ARHGAP33: variants seen among roughly 807,000 people sequenced by gnomAD.
ARHGAP33 encodes the protein rho GTPase-activating protein 33.
Under a neutral mutation model 126.2 loss-of-function variants are expected in ARHGAP33, and 57 were observed. The observed-to-expected ratio is 0.45, with a 90% CI of 0.36 to 0.56. ARHGAP33 has a LOEUF of 0.56. ARHGAP33 is among the 20% of genes least tolerant of loss of function. The pLI is 0.00. For synonymous variants in ARHGAP33, 711 were observed against 755.0 expected (o/e 0.94, Z 0.95); for missense variants, 1,500 against 1,748.3 (o/e 0.86, Z 2.53).
Position 35,780,821 on chromosome 19 carries a change from T to A in ARHGAP33, c.829+5T>A, listed in dbSNP as rs780247702. Reference sequence around the variant, plus strand: ...GTATCTCGTCTCTGACCTCAGGTAATAGAAATAGGCGGTCAGGTCCCAGCC... The same window carrying A: ...GTATCTCGTCTCTGACCTCAGGTAAAAGAAATAGGCGGTCAGGTCCCAGCC... On this transcript the variant is annotated splice_donor_5th_base_variant and intron_variant, in intron 10 of 20. Transcript: ENST00000007510. 7 of 1,613,742 alleles carry A rather than the reference T, an allele frequency of 4.3e-6. No homozygotes were observed. Among genetic ancestry groups the A allele is most frequent in the Non-Finnish European group, 5.9e-6 (7 of 1,179,968 alleles).
At chr19:35,783,315 G>C (rs930091358) in intron 15 of ARHGAP33, among the ~76,000 whole-genome samples, 4 of 152,316 alleles carry the variant, frequency 2.6e-5, no homozygotes, top group Admixed American at 6.5e-5. Context: ...TGGGGGCACA[G>C]ATACATAAAC....
chr19:35,786,272 A>C lies in ARHGAP33; in HGVS notation c.1943-141A>C, dbSNP rs1291823381. 1.7e-5 allele frequency: 25 copies of C among 1,430,490 alleles called. No individual in the cohort carries two copies. The East Asian group carries it at 2.3e-4, about 13-fold the overall frequency. The allele number at this position is 1,430,490 out of a possible 1,614,324, so 88.6% of individuals were successfully genotyped here. ...CGGAAGTGTCCTCTTCATGGTCTCC[A>C]CTGTCAATCTGAACAGCTCTTCCTG... On this transcript the variant is annotated intron_variant, in intron 19 of 20. Transcript: ENST00000007510. This position sits in a 1 kb window ranked among gnomAD's most constrained non-coding sequence, Gnocchi z 7.0.
Position 35,782,962 on chromosome 19 carries a change from A to C in ARHGAP33, c.1421+93A>C. 8.9e-7 allele frequency: 1 copy of C among 1,127,334 alleles called. No individual in the cohort carries two copies. The highest frequency in any genetic ancestry group is 1.3e-6 in the Non-Finnish European group (1 of 783,092). 69.8% of individuals were successfully genotyped at this position (1,127,334 alleles called of 1,614,324 possible). ...CTTTTCTTTTGTTTATTCATCGAAT[A>C]CGTGTCTATCAAATACCTCCCATGG... On this transcript the variant is annotated intron_variant, in intron 15 of 20. Coordinates refer to ENST00000007510, the MANE Select transcript of ARHGAP33 (RefSeq NM_001366178.1). The surrounding 1 kb of genome is among the most constrained non-coding windows in gnomAD (Gnocchi z 4.1).
chr19:35,787,816 A>G lies in ARHGAP33; in HGVS notation c.3251A>G (p.Asn1084Ser). ...CCTGCACCACTCGACAGGGGAGAGA[A>G]CCTGTACTATGAGATCGGGGCAAGT... The part of the protein sequence containing the change: ...GPPAPLDRGE[N>S]LYYEIGASEG... The change falls in exon 21 of 21, where the codon AAC (asparagine) becomes AGC (serine). Residue 1084 changes from asparagine to serine, a missense_variant. Asn to Ser is a conservative substitution (Grantham distance 46, BLOSUM62 1). Around this residue, in one of 6 missense-constraint regions of ARHGAP33, gnomAD observed 642 missense variants for 634.0 expected, o/e 1.01. Coordinates refer to ENST00000007510, the MANE Select transcript of ARHGAP33 (RefSeq NM_001366178.1). 1 of 1,604,712 alleles carries G rather than the reference A, an allele frequency of 6.2e-7. No individual in the cohort carries two copies. Among genetic ancestry groups the G allele is most frequent in the East Asian group, 2.2e-5 (1 of 44,830 alleles).
chr19:35,785,169 G>C lies in ARHGAP33; in HGVS notation c.1722-20G>C. 31 of 1,577,610 alleles carry C rather than the reference G, an allele frequency of 2.0e-5. No homozygotes were observed. The highest frequency in any genetic ancestry group is 2.7e-5 in the Non-Finnish European group (31 of 1,157,270). ...GGCCTGGTTCCTCAGACGGCCTCCT[G>C]TTTCTCCCCCAAACCGCAGGAGGAA... On this transcript the variant is annotated intron_variant, in intron 17 of 20. Coordinates refer to ENST00000007510, the MANE Select transcript of ARHGAP33 (RefSeq NM_001366178.1).
rs1467820091 is a variant in ARHGAP33, at chr19:35,786,623, T to C, written c.2153T>C (p.Leu718Pro). 1 of 1,535,698 alleles carries C rather than the reference T, an allele frequency of 6.5e-7. No homozygotes were observed. Among genetic ancestry groups the C allele is most frequent in the African/African-American group, 1.4e-5 (1 of 72,964 alleles). ...CCCTCACACCGTACCTCAGCCTGGC[T>C]AGATGATGGTGATGAGCTGGACTTC... ...GSPSHRTSAW[L>P]DDGDELDFSP... The change falls in exon 20 of 21, where the codon CTA (leucine) becomes CCA (proline). Residue 718 changes from leucine to proline, a missense_variant. By Grantham distance (98) the Leu-to-Pro change is moderately conservative. This residue lies in a region of ARHGAP33 where 300 missense variants were observed against 291.1 expected (regional missense o/e 1.03). Coordinates refer to ENST00000007510, the MANE Select transcript of ARHGAP33 (RefSeq NM_001366178.1). This position sits in a 1 kb window ranked among gnomAD's most constrained non-coding sequence, Gnocchi z 7.0.
Position 35,782,527 on chromosome 19 carries a change from G to A in ARHGAP33, c.1230+10G>A. On this transcript the variant is annotated intron_variant, in intron 13 of 20. Transcript: ENST00000007510. This position sits in a 1 kb window ranked among gnomAD's most constrained non-coding sequence, Gnocchi z 4.1. ...CTATGGGAAGTTCAGTGTGAGTAAG[G>A]GAGCTGGCGGGACGGAGGGGGCCGG... is the stretch of plus-strand genomic sequence containing the variant. 2 of 1,613,346 alleles carry A rather than the reference G, an allele frequency of 1.2e-6. No individual in the cohort carries two copies. Among genetic ancestry groups the A allele is most frequent in the Non-Finnish European group, 8.5e-7 (1 of 1,179,460 alleles).
chr19:35,785,947 G>T (rs1032676378), intron 19 of ARHGAP33: 4 of 1,067,772 alleles, frequency 3.7e-6, no homozygotes, highest in Non-Finnish European at 4.5e-6. Context: ...AAAGGGCGTT[G>T]TAAGAAAGGG....
chr19:35,780,527 G>A, intron 8 of ARHGAP33, 29 bp downstream of exon 8: 1 of 1,612,042 alleles, frequency 6.2e-7, no homozygotes, highest in East Asian at 2.2e-5. Flanking sequence ...GGACAGGTGG[G>A]GCTGGGGTAC....
In ARHGAP33 at chr19:35,780,966, C is replaced by A; in HGVS notation, c.876C>A (p.Phe292Leu). The A allele has an allele frequency of 1.2e-6, 2 of 1,610,336 alleles. No individual in the cohort carries two copies. Among genetic ancestry groups the A allele is most frequent in the Non-Finnish European group, 8.5e-7 (1 of 1,179,920 alleles). The change falls in exon 11 of 21, where the codon TTC becomes TTA. Residue 292 changes from phenylalanine to leucine, a missense_variant. Around this residue, in one of 6 missense-constraint regions of ARHGAP33, gnomAD observed 281 missense variants for 413.7 expected, o/e 0.68. Coordinates refer to ENST00000007510, the MANE Select transcript of ARHGAP33 (RefSeq NM_001366178.1). ...RGKLAGLLRT[F>L]MRSRPSRQRL... Reference sequence around the variant, plus strand: ...AGCTGGCCGGCCTGCTCCGCACCTTCATGCGCTCCCGCCCTTCTCGGCAGC... The same window carrying A: ...AGCTGGCCGGCCTGCTCCGCACCTTAATGCGCTCCCGCCCTTCTCGGCAGC...
Position 35,787,896 on chromosome 19 carries a change from C to T in ARHGAP33, c.3331C>T (p.Pro1111Ser), listed in dbSNP as rs866734274. Residue 1111 changes from proline to serine, a missense_variant, in exon 21 of 21, where the codon CCC (proline) becomes TCC (serine). Pro to Ser is a moderately conservative substitution (Grantham distance 74). Coordinates refer to ENST00000007510, the MANE Select transcript of ARHGAP33 (RefSeq NM_001366178.1). ...TRSWSPFRSM[P>S]PDRLNASYGM... ...CTCCTGGAGTCCCTTTCGCTCCATGCCCCCCGACAGGCTCAATGCCTCCTA... is the reference window on the plus strand; with the variant it reads ...CTCCTGGAGTCCCTTTCGCTCCATGTCCCCCGACAGGCTCAATGCCTCCTA... 1 of 1,480,082 alleles carries T rather than the reference C, an allele frequency of 6.8e-7. No homozygotes were observed. Among genetic ancestry groups the T allele is most frequent in the Admixed American group, 1.8e-5 (1 of 54,758 alleles). 91.7% of individuals were successfully genotyped at this position (1,480,082 alleles called of 1,614,324 possible). A position where few individuals can be genotyped will look rare whatever the true frequency, so the allele number is the denominator to read the frequency against.
At chr19:35,785,600 T>C in intron 19 of ARHGAP33, 117 bp downstream of exon 19, 1 of 1,516,572 alleles carries the variant, frequency 6.6e-7, no homozygotes, top group East Asian at 2.4e-5. Context: ...CTGGGGCTTT[T>C]GAAAAATTTA....
Position 35,778,935 on chromosome 19 carries a change from A to G in ARHGAP33, c.409-97A>G, listed in dbSNP as rs138763528. 250 of 1,035,952 alleles carry G rather than the reference A, an allele frequency of 2.4e-4. 2 individuals carry two copies. The East Asian group carries it at 6.1e-3, about 25-fold the overall frequency. 64.2% of individuals were successfully genotyped at this position (1,035,952 alleles called of 1,614,324 possible). A position where few individuals can be genotyped will look rare whatever the true frequency, so the allele number is the denominator to read the frequency against. On this transcript the variant is annotated intron_variant, in intron 5 of 20. Transcript: ENST00000007510. ...GCTGAGCAGCACCCATGTGTTCAGG[A>G]TGAACTTCAGCCCAGAGACGAGCTA... is the stretch of plus-strand genomic sequence containing the variant.
chr19:35,780,252 G>T lies in ARHGAP33; in HGVS notation c.543G>T (p.Ala181=), dbSNP rs374409349. The T allele has an allele frequency of 6.2e-7, 1 of 1,613,962 alleles. No individual in the cohort carries two copies. The highest frequency in any genetic ancestry group is 1.1e-5 in the South Asian group (1 of 91,078). Residue 181 remains alanine (A), a synonymous_variant, in exon 7 of 21, where the codon GCG becomes GCT. Coordinates refer to ENST00000007510, the MANE Select transcript of ARHGAP33 (RefSeq NM_001366178.1). Reference sequence around the variant, plus strand: ...GGCGACTGCTCCTCAGTGAGGAGGCGTCACTCAATATCCCTGCAGTGGCGG... The same window carrying T: ...GGCGACTGCTCCTCAGTGAGGAGGCTTCACTCAATATCCCTGCAGTGGCGG... ...HGRRLLLSEE[A]SLNIPAVAAA... is the part of the protein sequence containing the mutation.
chr19:35,787,461 C>T lies in ARHGAP33; in HGVS notation c.2896C>T (p.Pro966Ser), dbSNP rs200434839. ...ACACCCGGGTGCCTGGGTCCCGGGA[C>T]CCCCACCCTACTTACCAAGGCAACA... ...LAHPGAWVPGPPPYLPRQQSD... is the reference protein window; with the variant it reads ...LAHPGAWVPGSPPYLPRQQSD... The change falls in exon 21 of 21, where the codon CCC becomes TCC. Residue 966 changes from proline (P) to serine (S), a missense_variant. Physicochemically the swap from Pro to Ser is moderately conservative, Grantham distance 74. Around this residue, in one of 6 missense-constraint regions of ARHGAP33, gnomAD observed 642 missense variants for 634.0 expected, o/e 1.01. Coordinates refer to ENST00000007510, the MANE Select transcript of ARHGAP33 (RefSeq NM_001366178.1). 1.2e-6 allele frequency: 2 copies of T among 1,612,366 alleles called. No homozygotes were observed. The highest frequency in any genetic ancestry group is 8.5e-7 in the Non-Finnish European group (1 of 1,179,418).
chr19:35,783,950 C>T (rs913932811), intron 15 of ARHGAP33, among the ~76,000 whole-genome samples: 2 of 151,362 alleles, frequency 1.3e-5, no homozygotes, highest in African/African-American at 4.9e-5. Context: ...TCAGGGCAAC[C>T]CCAAGGTGTT....
rs761630819 is a variant in ARHGAP33 at position 35,778,444 on chromosome 19, C to A, written c.271-20C>A. On this transcript the variant is annotated intron_variant, in intron 4 of 20. Transcript: ENST00000007510. Reference sequence around the variant, plus strand: ...GGTGTCATGGGGCCCCTGCTCCCTTCTGTCCCTCTGCTCCCACAGGGCCGT... The same window carrying A: ...GGTGTCATGGGGCCCCTGCTCCCTTATGTCCCTCTGCTCCCACAGGGCCGT... 1.1e-5 allele frequency: 18 copies of A among 1,614,072 alleles called. No homozygotes were observed. Among genetic ancestry groups the A allele is most frequent in the African/African-American group, 2.7e-5 (2 of 74,960 alleles).
At chr19:35,780,522 G>A (rs749599494) in intron 8 of ARHGAP33, 24 bp downstream of exon 8, 13 of 1,611,738 alleles carry the variant, frequency 8.1e-6, no homozygotes, top group Non-Finnish European at 9.3e-6. Flanking sequence ...GGCGCGGACA[G>A]GTGGGGCTGG....
rs1040884365 is a variant in ARHGAP33, at chr19:35,788,053, C to T, written c.3488C>T (p.Thr1163Ile). 6.2e-7 allele frequency: 1 copy of T among 1,611,370 alleles called. No homozygotes were observed. The highest frequency in any genetic ancestry group is 8.5e-7 in the Non-Finnish European group (1 of 1,179,068). ...CCCCAGCACCCTGCTCGGCGCCCTACACCGCCTGAGCCCCTCTACGTCAAC... is the reference window on the plus strand; with the variant it reads ...CCCCAGCACCCTGCTCGGCGCCCTATACCGCCTGAGCCCCTCTACGTCAAC... ...SAPQHPARRP[T>I]PPEPLYVNLA... The change falls in exon 21 of 21, where the codon ACA becomes ATA. Residue 1163 changes from threonine to isoleucine, a missense_variant. Physicochemically the swap from Thr to Ile is moderately conservative, Grantham distance 89 (BLOSUM62 -1). Around this residue, in one of 6 missense-constraint regions of ARHGAP33, gnomAD observed 642 missense variants for 634.0 expected, o/e 1.01. Coordinates refer to ENST00000007510, the MANE Select transcript of ARHGAP33 (RefSeq NM_001366178.1).
Sources: allele counts gnomAD v4.1 joint callset (sites outside exome capture counted in the v4.1 genomes callset), GRCh38; gene constraint gnomAD v4.1.1; regional missense constraint gnomAD v4.1.1; non-coding constraint Gnocchi (gnomAD v3.1); transcripts MANE v1.5; gene names NCBI Gene and HGNC (gene_info 2026-07-23, HGNC 2026-07-21).